Variants in CA9 observed in about 807,000 individuals in gnomAD.
CA9 encodes CA-IX.
In CA9, 43 loss-of-function variants were observed where a neutral mutation model predicts 51.8. That is an observed-to-expected ratio of 0.83 (90% confidence interval 0.65 to 1.07). The LOEUF (loss-of-function observed/expected upper bound fraction) is 1.07. Among genes scored for constraint, CA9 ranks in the 50% least tolerant of loss-of-function variants. CA9 has a pLI of 0.00. For synonymous variants in CA9, 253 were observed against 244.2 expected (o/e 1.04, Z -0.34); for missense variants, 574 against 581.4 (o/e 0.99, Z 0.13).
intron 2 of CA9, 95 bp from the exon 3 acceptor site, chr9:35,675,666 G>A: frequency 4.0e-6 from 3 of 751,832 alleles, no homozygotes; most frequent in African/African-American, 1.9e-5. Flanking sequence ...CGTCCCACCC[G>A]CCGCCCACCG....
intron 7 of CA9, 58 bp from the exon 8 acceptor site, chr9:35,679,796 G>A (rs916944625): frequency 1.2e-5 from 19 of 1,520,302 alleles, no homozygotes; most frequent in Non-Finnish European, 4.4e-6. Context: ...AGCTGGCCTG[G>A]GACCCTTGTT....
Position 35,679,324 on chromosome 9 carries a change from G to C in CA9, c.1047G>C (p.Val349=), listed in dbSNP as rs746088872. The C allele has an allele frequency of 6.2e-6, 10 of 1,613,772 alleles. No individual in the cohort carries two copies. The East Asian group carries it at 2.0e-4, about 32-fold the overall frequency. ...TCTGGACTGTGTTTAACCAGACAGT[G>C]ATGCTGAGTGCTAAGCAGGTGGGCC... ...GVIWTVFNQT[V]MLSAKQLHTL... is the part of the protein sequence containing the mutation. The change falls in exon 7 of 11, where the codon GTG becomes GTC. Residue 349 remains valine (V), a synonymous_variant. Coordinates refer to ENST00000378357, the MANE Select transcript of CA9 (RefSeq NM_001216.3).
chr9:35,679,332 G>A lies in CA9; in HGVS notation c.1055G>A (p.Ser352Asn), dbSNP rs202078638. ...GTGTTTAACCAGACAGTGATGCTGA[G>A]TGCTAAGCAGGTGGGCCTGGGGTGT... ...WTVFNQTVML[S>N]AKQLHTLSDT... Residue 352 changes from serine (S) to asparagine (N), a missense_variant, in exon 7 of 11, where the codon AGT (serine) becomes AAT (asparagine). Ser to Asn is a conservative substitution (Grantham distance 46). Coordinates refer to ENST00000378357, the MANE Select transcript of CA9 (RefSeq NM_001216.3). 2.5e-6 allele frequency: 4 copies of A among 1,613,304 alleles called. No individual in the cohort carries two copies. Among genetic ancestry groups the A allele is most frequent in the African/African-American group, 1.3e-5 (1 of 74,916 alleles).
chr9:35,675,860 G>A lies in CA9; in HGVS notation c.533G>A (p.Arg178His). 1 of 1,605,358 alleles carries A rather than the reference G, an allele frequency of 6.2e-7. No individual in the cohort carries two copies. ...PQLAAFCPAL[R>H]PLELLGFQLP... ...CTCGCCGCCTTCTGCCCGGCCCTGC[G>A]CCCCCTGGAACTCCTGGGCTTCCAG... The change falls in exon 3 of 11, where the codon CGC becomes CAC. Residue 178 changes from arginine to histidine, a missense_variant. Arg to His is a conservative substitution (Grantham distance 29). Coordinates refer to ENST00000378357, the MANE Select transcript of CA9 (RefSeq NM_001216.3).
In CA9 at chr9:35,679,946, T is replaced by C. The variant is rs781619865; in HGVS notation, c.1158T>C (p.Ile386=). The C allele has an allele frequency of 1.2e-6, 2 of 1,614,128 alleles. No homozygotes were observed. Among genetic ancestry groups the C allele is most frequent in the South Asian group, 2.2e-5 (2 of 91,076 alleles). The change falls in exon 8 of 11, where the codon ATT becomes ATC. Residue 386 remains isoleucine, a synonymous_variant. Coordinates refer to ENST00000378357, the MANE Select transcript of CA9 (RefSeq NM_001216.3). The part of the protein sequence containing the change: ...RATQPLNGRV[I]EASFPAGVDS... ...CGCAGCCTTTGAATGGGCGAGTGATTGAGGCCTCCTTCCCTGCTGGAGTGG... is the reference window on the plus strand; with the variant it reads ...CGCAGCCTTTGAATGGGCGAGTGATCGAGGCCTCCTTCCCTGCTGGAGTGG...
intron 1 of CA9, chr9:35,674,699 G>GT (rs1425259781): frequency 2.3e-5 from 5 of 214,432 alleles, no homozygotes; most frequent in Non-Finnish European, 4.6e-5. Context: ...GAGTCAGAGA[G>GT]TTTGAGGGGA....
At chr9:35,678,468 T>C (rs1304281436) in intron 6 of CA9, among the ~76,000 whole-genome samples, 1 of 152,034 alleles carries the variant, frequency 6.6e-6, no homozygotes, top group Non-Finnish European at 1.5e-5. Flanking sequence ...TTCTGAGAAC[T>C]GTTTATCTTT....
At position 35,673,957 on chromosome 9, in the gene CA9, C is replaced by T. The variant is rs776279231; in HGVS notation, c.-3C>T. 15 of 1,590,898 alleles carry T rather than the reference C, an allele frequency of 9.4e-6. No individual in the cohort carries two copies. The highest frequency in any genetic ancestry group is 1.3e-5 in the African/African-American group (1 of 74,668). ...TGTGCTGGGACACCCCACAGTCAGCCGCATGGCTCCCCTGTGCCCCAGCCC... is the reference window on the plus strand; with the variant it reads ...TGTGCTGGGACACCCCACAGTCAGCTGCATGGCTCCCCTGTGCCCCAGCCC... On this transcript the variant is annotated 5_prime_UTR_variant, in exon 1 of 11. Transcript: ENST00000378357.
At chr9:35,674,618 A>C in intron 1 of CA9, 1 of 422,844 alleles carries the variant, frequency 2.4e-6, no homozygotes. Flanking sequence ...AGGCTGGAGA[A>C]GAGAAAGGGA....
At chr9:35,678,069 G>A (rs1459236528) in intron 6 of CA9, among the ~76,000 whole-genome samples, 6 of 151,924 alleles carry the variant, frequency 3.9e-5, no homozygotes, top group Non-Finnish European at 5.9e-5. Flanking sequence ...AAAAACCGCC[G>A]GGCACGGTGG....
At chr9:35,680,869 C>A in intron 10 of CA9, 35 bp downstream of exon 10, 1 of 1,610,542 alleles carries the variant, frequency 6.2e-7, no homozygotes, top group East Asian at 2.2e-5. Flanking sequence ...GCACAAGCTT[C>A]CCCCACCCTT....
intron 1 of CA9, 164 bp downstream of exon 1, chr9:35,674,526 G>T: frequency 1.6e-6 from 1 of 627,856 alleles, no homozygotes. Flanking sequence ...ACTCTCGGAG[G>T]TAGAAAGGGA....
At chr9:35,679,779 G>T in intron 7 of CA9, 75 bp from the exon 8 acceptor site, 1 of 1,446,734 alleles carries the variant, frequency 6.9e-7, no homozygotes, top group Non-Finnish European at 9.3e-7. Flanking sequence ...CTGAGGTGCT[G>T]GTTGTGAGCT....
At chr9:35,678,027 G>A (rs1292650412) in intron 6 of CA9, among the ~76,000 whole-genome samples, 171 bp downstream of exon 6, 2 of 152,240 alleles carry the variant, frequency 1.3e-5, no homozygotes, top group South Asian at 2.1e-4. Context: ...ACAGTTACCC[G>A]CAAACGGCTG....
chr9:35,678,687 TTTC>T (rs1824471702), intron 6 of CA9, among the ~76,000 whole-genome samples: 1 of 145,198 alleles, frequency 6.9e-6, no homozygotes, highest in Non-Finnish European at 1.5e-5. Context: ...CAGATCATTT[TTTC>T]TTTTCTTTTC....
In CA9 at chr9:35,680,839, TAC is replaced by T; in HGVS notation, c.1319+8_1319+9del. ...GCAGATGAGAAGGCAGCACAGGTAT[TAC>T]ACTGACCCTTTCTTCAGGCACAAGC... On this transcript the variant is annotated splice_donor_region_variant and intron_variant, in intron 10 of 10. Transcript: ENST00000378357. 1.2e-6 allele frequency: 2 copies of T among 1,614,082 alleles called. No homozygotes were observed. The highest frequency in any genetic ancestry group is 1.7e-6 in the Non-Finnish European group (2 of 1,179,920).
rs763471860 is a variant in CA9, at chr9:35,677,824, T to TGAAGG, written c.876_877insAAGGG (p.Leu293LysfsTer41). 3 of 1,614,188 alleles carry TGAAGG rather than the reference T, an allele frequency of 1.9e-6. No individual in the cohort carries two copies. In the South Asian group the frequency reaches 3.3e-5, roughly 18 times the overall value. ...GAAGAAAACAGTGCCTATGAGCAGT[T>TGAAGG]GCTGTCTCGCTTGGAAGAAATCGCT... On this transcript the variant is annotated frameshift_variant, in exon 6 of 11. Coordinates refer to ENST00000378357, the MANE Select transcript of CA9 (RefSeq NM_001216.3). LOFTEE classifies it high-confidence loss of function.
At chr9:35,678,834 T>G (rs1824476619) in intron 6 of CA9, among the ~76,000 whole-genome samples, 1 of 152,098 alleles carries the variant, frequency 6.6e-6, no homozygotes, top group Admixed American at 6.6e-5. Flanking sequence ...CTTTTTAATT[T>G]GCTCTGGGCT....
chr9:35,673,946 CCA>C lies in CA9; in HGVS notation c.-11_-10del. 6.3e-7 allele frequency: 1 copy of C among 1,582,298 alleles called. No homozygotes were observed. The highest frequency in any genetic ancestry group is 8.6e-7 in the Non-Finnish European group (1 of 1,163,542). ...CGTACACACCGTGTGCTGGGACACC[CCA>C]CAGTCAGCCGCATGGCTCCCCTGTG... On this transcript the variant is annotated 5_prime_UTR_variant, in exon 1 of 11. Transcript: ENST00000378357.
Sources: allele counts gnomAD v4.1 joint callset (sites outside exome capture counted in the v4.1 genomes callset), GRCh38; gene constraint gnomAD v4.1.1; transcripts MANE v1.5; gene names NCBI Gene and HGNC (gene_info 2026-07-23, HGNC 2026-07-21).